Variants in MACROD2 observed in about 807,000 individuals in gnomAD.
MACROD2 encodes ADP-ribose glycohydrolase MACROD2.
Under a neutral mutation model 70.4 loss-of-function variants are expected in MACROD2, and 36 were observed. The observed-to-expected ratio is 0.51, with a 90% confidence interval of 0.39 to 0.68. MACROD2 has a LOEUF of 0.68. Ranked by LOEUF, MACROD2 falls within the 30% of genes least tolerant of loss-of-function variation. MACROD2 has a pLI of 0.00. For missense variants in MACROD2, 496 were observed against 538.4 expected (o/e 0.92, Z 0.78); for synonymous variants, 172 against 178.8 (o/e 0.96, Z 0.30).
At chr20:14,463,522 T>C (rs1308506437) in intron 3 of MACROD2, among the ~76,000 whole-genome samples, 8 of 152,082 alleles carry the variant, frequency 5.3e-5, no homozygotes, top group African/African-American at 1.9e-4. Context: ...TTGATTGCCC[T>C]TTATTTCCTT....
intron 4 of MACROD2, among the ~76,000 whole-genome samples, chr20:14,507,272 C>CT (rs2084979128): frequency 6.6e-6 from 1 of 151,932 alleles, no homozygotes; most frequent in Non-Finnish European, 1.5e-5. Flanking sequence ...TCTGGGGCTC[C>CT]TGTTACATAT....
chr20:14,626,759 A>C (rs1984192071), intron 4 of MACROD2, among the ~76,000 whole-genome samples: 1 of 152,122 alleles, frequency 6.6e-6, no homozygotes, highest in Non-Finnish European at 1.5e-5. Flanking sequence ...GAAAGGAAAA[A>C]AATATTTTTG....
At chr20:15,556,225 T>A (rs2048167281) in intron 8 of MACROD2, among the ~76,000 whole-genome samples, 1 of 152,240 alleles carries the variant, frequency 6.6e-6, no homozygotes, top group Non-Finnish European at 1.5e-5. Flanking sequence ...ATTTGGGGAT[T>A]AAACCTTCTG....
chr20:14,568,506 A>G (rs543424816), intron 4 of MACROD2, among the ~76,000 whole-genome samples: 120 of 152,154 alleles, frequency 7.9e-4, no homozygotes, highest in Non-Finnish European at 1.6e-3. Context: ...TGGTTTAGGG[A>G]GCAAGTGAGG....
chr20:15,686,872 C>CAAA (rs142175244), intron 8 of MACROD2, among the ~76,000 whole-genome samples: 2 of 69,296 alleles, frequency 2.9e-5, no homozygotes, highest in East Asian at 4.1e-4. Context: ...GACTCCATCT[C>CAAA]AAAAAAAAAA....
chr20:13,997,293 G>GT (rs1189712415), intron 1 of MACROD2, among the ~76,000 whole-genome samples: 1 of 152,036 alleles, frequency 6.6e-6, no homozygotes, highest in African/African-American at 2.4e-5. Flanking sequence ...ATTTTGCTTT[G>GT]TTTTTTTCAG....
rs1188305737 is a variant in MACROD2, at chr20:14,368,245, T to C, written c.272-125234T>C. Among the ~76,000 whole-genome samples, 4 of 152,178 alleles carry C rather than the reference T, an allele frequency of 2.6e-5. No individual in the cohort carries two copies. The East Asian group carries it at 5.8e-4, about 22-fold the overall frequency. On this transcript the variant is annotated intron_variant, in intron 3 of 17. Coordinates refer to ENST00000684519, the MANE Select transcript of MACROD2 (RefSeq NM_001351661.2). ...TTGTTGTTTCTTGCACACTTCATAC[T>C]TTTTTGGCTTAAAACTGGGCATATA... is the stretch of plus-strand genomic sequence containing the variant.
chr20:14,196,732 ATT>A (rs2081435816), intron 3 of MACROD2, among the ~76,000 whole-genome samples: 2 of 152,158 alleles, frequency 1.3e-5, no homozygotes. Context: ...GCTATTTTTT[ATT>A]TTGGCTTCTT....
intron 2 of MACROD2, among the ~76,000 whole-genome samples, chr20:14,049,192 A>AAAAAAC (rs1486425903): frequency 6.0e-5 from 9 of 150,930 alleles, no homozygotes; most frequent in Non-Finnish European, 7.4e-5. Context: ...AAAAAAAACA[A>AAAAAAC]AAAAACAAAA....
At chr20:14,697,019 A>C (rs1403670317) in intron 5 of MACROD2, among the ~76,000 whole-genome samples, 2 of 152,168 alleles carry the variant, frequency 1.3e-5, no homozygotes, top group Non-Finnish European at 2.9e-5. Context: ...ATGTTTTGTG[A>C]ATATGGAATT....
intron 3 of MACROD2, among the ~76,000 whole-genome samples, chr20:14,112,202 C>T (rs1254045083): frequency 6.6e-6 from 1 of 151,774 alleles, no homozygotes. Flanking sequence ...AGGATGGCTA[C>T]TAGAGGCTGG....
At chr20:14,878,783 C>G (rs1201947115) in intron 5 of MACROD2, among the ~76,000 whole-genome samples, 1 of 152,046 alleles carries the variant, frequency 6.6e-6, no homozygotes, top group African/African-American at 2.4e-5. Context: ...TCTCCATGGT[C>G]TAAACTCAAC....
chr20:14,943,464 CTTTAAAG>C (rs2074406586), intron 5 of MACROD2, among the ~76,000 whole-genome samples: 1 of 151,362 alleles, frequency 6.6e-6, no homozygotes, highest in Non-Finnish European at 1.5e-5. Context: ...GCTATTTTTA[CTTTAAAG>C]TTTATTAAGT....
intron 3 of MACROD2, among the ~76,000 whole-genome samples, chr20:14,449,346 G>T (rs1396081068): frequency 6.6e-6 from 1 of 152,048 alleles, no homozygotes; most frequent in Non-Finnish European, 1.5e-5. Context: ...GACTTTTTCA[G>T]CATCCACTAA....
At chr20:15,282,649 C>A (rs1412644356) in intron 6 of MACROD2, among the ~76,000 whole-genome samples, 1 of 152,182 alleles carries the variant, frequency 6.6e-6, no homozygotes, top group Admixed American at 6.5e-5. Flanking sequence ...TCAGCCTGGA[C>A]TTCATTGTCC....
At chr20:15,625,883 G>C (rs1053876072) in intron 8 of MACROD2, among the ~76,000 whole-genome samples, 22 of 101,932 alleles carry the variant, frequency 2.2e-4, no homozygotes, top group African/African-American at 8.6e-4. Flanking sequence ...TTTGAAATTT[G>C]TATCAGTTAT....
intron 12 of MACROD2, among the ~76,000 whole-genome samples, chr20:15,965,883 T>G (rs560811718): frequency 6.6e-6 from 1 of 152,256 alleles, no homozygotes; most frequent in East Asian, 1.9e-4. Flanking sequence ...CAGAAAGAAA[T>G]AAGAAGCTGT....
intron 6 of MACROD2, among the ~76,000 whole-genome samples, chr20:15,369,154 A>G (rs1211609026): frequency 6.6e-6 from 1 of 152,238 alleles, no homozygotes; most frequent in African/African-American, 2.4e-5. Context: ...ATGAACGGAT[A>G]CTAAGTGAGA....
chr20:15,279,045 T>G (rs1350507368), intron 6 of MACROD2, among the ~76,000 whole-genome samples: 4 of 152,208 alleles, frequency 2.6e-5, no homozygotes, highest in African/African-American at 7.2e-5. Context: ...GAGTTCTGTT[T>G]CTTCAATGAT....
Sources: gnomAD v4.1 joint callset for allele counts (sites outside exome capture counted in the v4.1 genomes callset) on GRCh38, gnomAD v4.1.1 for gene constraint, MANE v1.5 for transcripts, NCBI Gene and HGNC (gene_info 2026-07-23, HGNC 2026-07-21) for gene names.